ZDHHC11: variants seen among roughly 807,000 people sequenced by gnomAD.
ZDHHC11 encodes palmitoyltransferase ZDHHC11.
Under a neutral mutation model 51.3 loss-of-function variants are expected in ZDHHC11, and 44 were observed. The ratio of observed to expected loss-of-function variants is 0.86; its 90% CI spans 0.67 to 1.10. The LOEUF is 1.10. Among genes scored for constraint, ZDHHC11 ranks in the 50% least tolerant of loss-of-function variants. The pLI, the probability that ZDHHC11 is intolerant of heterozygous loss-of-function variation, is 0.00. For missense variants in ZDHHC11, 400 were observed against 537.7 expected (o/e 0.74, Z 2.53); for synonymous variants, 163 against 222.0 (o/e 0.73, Z 2.36).
chr5:837,624 T>G, intron 5 of ZDHHC11, 144 bp from the exon 6 acceptor site: 2 of 889,206 alleles, frequency 2.2e-6, no homozygotes, highest in Non-Finnish European at 1.8e-6. Flanking sequence ...GCAGGCCCTG[T>G]GAGGTCAGGA....
rs543035621 is a variant in ZDHHC11, at chr5:806,218, T to C, written c.1182-5054A>G. ...GGATAGACAAAACTGATGAGTGGAATTGACTAGACAGCCCAGAAATAGACT... is the reference window on the plus strand; with the variant it reads ...GGATAGACAAAACTGATGAGTGGAACTGACTAGACAGCCCAGAAATAGACT... On this transcript the variant is annotated intron_variant, in intron 11 of 12. Coordinates refer to ENST00000283441, the MANE Select transcript of ZDHHC11 (RefSeq NM_024786.3). 2.0e-5 allele frequency among the ~76,000 whole-genome samples: 3 copies of C among 151,222 alleles called. 1 individual carries two copies. The highest frequency in any genetic ancestry group is 4.2e-4 in the South Asian group (2 of 4,778).
intron 12 of ZDHHC11, among the ~76,000 whole-genome samples, chr5:799,037 C>G (rs1270587842): frequency 6.6e-6 from 1 of 151,640 alleles, no homozygotes; most frequent in Non-Finnish European, 1.5e-5. Context: ...GGAGCTTGCT[C>G]TTTGCTGTGG....
rs1352687726 is a variant in ZDHHC11 at position 806,034 on chromosome 5, G to A, written c.1182-4870C>T. Among the ~76,000 whole-genome samples the A allele has an allele frequency of 2.6e-5, 4 of 151,286 alleles. 2 individuals are homozygous for A. The highest frequency in any genetic ancestry group is 5.9e-5 in the Non-Finnish European group (4 of 67,702). ...AAGGGTCTGACGTCAGGACACCAGAGGTGTGGCAGGTGGGAGAATGGGGGA... is the reference window on the plus strand; with the variant it reads ...AAGGGTCTGACGTCAGGACACCAGAAGTGTGGCAGGTGGGAGAATGGGGGA... On this transcript the variant is annotated intron_variant, in intron 11 of 12. Coordinates refer to ENST00000283441, the MANE Select transcript of ZDHHC11 (RefSeq NM_024786.3).
chr5:834,245 T>G (rs1490227464), intron 6 of ZDHHC11, among the ~76,000 whole-genome samples: 2 of 152,302 alleles, frequency 1.3e-5, no homozygotes, highest in Non-Finnish European at 2.9e-5. Context: ...AGAATGATGT[T>G]GAGCATTTTT....
intron 4 of ZDHHC11, chr5:841,742 C>T (rs1745006407): frequency 1.0e-6 from 1 of 993,194 alleles, no homozygotes; most frequent in Non-Finnish European, 1.2e-6. Context: ...CTCAAAACCA[C>T]ACTTCCAAAA....
chr5:814,822 A>T lies in ZDHHC11; in HGVS notation c.1147-27T>A, dbSNP rs201044933. 1,168 of 1,527,354 alleles carry T rather than the reference A, an allele frequency of 7.6e-4. 50 individuals carry two copies. The highest frequency in any genetic ancestry group is 9.5e-4 in the Non-Finnish European group (1,085 of 1,136,662). 94.6% of individuals were successfully genotyped at this position (1,527,354 alleles called of 1,614,324 possible). A position where few individuals can be genotyped will look rare whatever the true frequency, so the allele number is the denominator to read the frequency against. ...TGTGGGGGGAAGGGATGCAAAATTCATAGGATGAACAAAGACCTTGTTGAC... is the reference window on the plus strand; with the variant it reads ...TGTGGGGGGAAGGGATGCAAAATTCTTAGGATGAACAAAGACCTTGTTGAC... On this transcript the variant is annotated intron_variant, in intron 10 of 12. Transcript: ENST00000283441.
chr5:807,230 C>T (rs1259783076), intron 11 of ZDHHC11, among the ~76,000 whole-genome samples: 1 of 142,142 alleles, frequency 7.0e-6, no homozygotes, highest in East Asian at 2.0e-4. Flanking sequence ...CCAGATACTA[C>T]ATACACACAA....
rs1452240633 is a variant in ZDHHC11 at position 795,790 on chromosome 5, G to A, written c.*798C>T. 2 of 152,736 alleles carry A rather than the reference G, an allele frequency of 1.3e-5. No homozygotes were observed. The highest frequency in any genetic ancestry group is 2.5e-5 in the African/African-American group (1 of 39,960). The allele number at this position is 152,736 out of a possible 1,614,324, so 9.5% of individuals were successfully genotyped here. Reference sequence around the variant, plus strand: ...TGAAAAACTCAGAATCCAGGTCTGGGGTTTCCCAGTACTATGCTCCCATTT... The same window carrying A: ...TGAAAAACTCAGAATCCAGGTCTGGAGTTTCCCAGTACTATGCTCCCATTT... On this transcript the variant is annotated 3_prime_UTR_variant, in exon 13 of 13. Transcript: ENST00000283441.
At chr5:843,975 GGCAGGGACAC>G (rs1745636359) in intron 3 of ZDHHC11, among the ~76,000 whole-genome samples, 1 of 118,522 alleles carries the variant, frequency 8.4e-6, no homozygotes, top group African/African-American at 4.8e-5. Flanking sequence ...CAGAGGCAGG[GGCAGGGACAC>G]GCAGGGCATC....
In ZDHHC11 at chr5:821,085, C is replaced by T. The variant is rs1741497368; in HGVS notation, c.1058+776G>A. ...CCCTGAATACAACAATAAATCCCAA[C>T]TGGCCTGAAAAATCAAAATGTAAAG... is the stretch of plus-strand genomic sequence containing the variant. On this transcript the variant is annotated intron_variant, in intron 9 of 12. Coordinates refer to ENST00000283441, the MANE Select transcript of ZDHHC11 (RefSeq NM_024786.3). 1.3e-5 allele frequency: 2 copies of T among 151,526 alleles called. 1 individual carries two copies. Among genetic ancestry groups the T allele is most frequent in the African/African-American group, 4.8e-5 (2 of 41,306 alleles). The allele number at this position is 151,526 out of a possible 1,614,324, so 9.4% of individuals were successfully genotyped here. A position where few individuals can be genotyped will look rare whatever the true frequency, so the allele number is the denominator to read the frequency against.
chr5:801,821 A>G (rs1323520049), intron 11 of ZDHHC11, among the ~76,000 whole-genome samples: 1 of 151,330 alleles, frequency 6.6e-6, no homozygotes, highest in East Asian at 1.9e-4. Context: ...AAGACCCACA[A>G]GCAAAATAGT....
intron 11 of ZDHHC11, among the ~76,000 whole-genome samples, chr5:801,982 T>C (rs1738492606): frequency 1.3e-5 from 2 of 151,418 alleles, no homozygotes; most frequent in Admixed American, 1.3e-4. Context: ...GGGAAACCTT[T>C]CTTGGATCAG....
rs1459986761 is a variant in ZDHHC11, at chr5:847,472, C to G, written c.503+42G>C. Reference sequence around the variant, plus strand: ...ACAGACCCCTCCCTTCCAAATTCCCCCAAGCCTGGCCCGTGCCGGCCATCC... The same window carrying G: ...ACAGACCCCTCCCTTCCAAATTCCCGCAAGCCTGGCCCGTGCCGGCCATCC... On this transcript the variant is annotated intron_variant, in intron 3 of 12. Coordinates refer to ENST00000283441, the MANE Select transcript of ZDHHC11 (RefSeq NM_024786.3). The G allele has an allele frequency of 6.8e-6, 10 of 1,465,464 alleles. No individual in the cohort carries two copies. The East Asian group carries it at 2.3e-4, about 34-fold the overall frequency. 90.8% of individuals were successfully genotyped at this position (1,465,464 alleles called of 1,614,324 possible).
At chr5:827,756 T>C (rs1240884797) in intron 7 of ZDHHC11, among the ~76,000 whole-genome samples, 3 of 151,046 alleles carry the variant, frequency 2.0e-5, no homozygotes, top group African/African-American at 7.3e-5. Flanking sequence ...TTTTTTTTTT[T>C]TTATTGATCA....
Position 825,363 on chromosome 5 carries a change from G to C in ZDHHC11, c.936-112C>G, listed in dbSNP as rs1234440745. The C allele has an allele frequency of 3.6e-6, 4 of 1,120,826 alleles. No homozygotes were observed. The Admixed American group carries it at 7.4e-5, about 21-fold the overall frequency. 69.4% of individuals were successfully genotyped at this position (1,120,826 alleles called of 1,614,324 possible). ...AGCACCACTGCTGTGGGGCACACAT[G>C]TCTCAGAAACTTGTAGACCAGCAGC... On this transcript the variant is annotated intron_variant, in intron 7 of 12. Coordinates refer to ENST00000283441, the MANE Select transcript of ZDHHC11 (RefSeq NM_024786.3).
chr5:827,183 G>A (rs1395286834), intron 7 of ZDHHC11, among the ~76,000 whole-genome samples: 2 of 149,592 alleles, frequency 1.3e-5, no homozygotes, highest in East Asian at 1.9e-4. Context: ...AATGCTGAGA[G>A]AACTAGCCAC....
At chr5:798,753 C>G (rs1489892882) in intron 12 of ZDHHC11, among the ~76,000 whole-genome samples, 1 of 146,884 alleles carries the variant, frequency 6.8e-6, no homozygotes, top group African/African-American at 2.5e-5. Context: ...GACGTTATCA[C>G]AGCGAACATT....
chr5:817,770 C>T (rs1310870826), intron 10 of ZDHHC11, among the ~76,000 whole-genome samples: 3 of 151,266 alleles, frequency 2.0e-5, no homozygotes, highest in Non-Finnish European at 4.4e-5. Flanking sequence ...TCCCCATTGC[C>T]TCACCTTGGC....
chr5:841,104 G>C (rs1216178860), intron 4 of ZDHHC11: 2 of 928,464 alleles, frequency 2.2e-6, no homozygotes, highest in Admixed American at 1.1e-4. Context: ...TCCTCACTAA[G>C]TGCCAGGGTC....
Sources: gnomAD v4.1 joint callset for allele counts (sites outside exome capture counted in the v4.1 genomes callset) on GRCh38, gnomAD v4.1.1 for gene constraint, MANE v1.5 for transcripts, NCBI Gene and HGNC (gene_info 2026-07-23, HGNC 2026-07-21) for gene names.